Variants in PSMA1 observed in about 807,000 individuals in gnomAD.
PSMA1 encodes the protein proteasome 20S subunit alpha 1, also known as proteasome subunit alpha type-1.
A neutral mutation model predicts 38.4 loss-of-function variants in PSMA1; 3 were observed. That is an observed-to-expected ratio of 0.08 (90% CI 0.04 to 0.20). The LOEUF is 0.20. Among genes scored for constraint, PSMA1 ranks in the 10% least tolerant of loss-of-function variants. The pLI is 1.00. For missense variants in PSMA1, 227 were observed against 325.3 expected (o/e 0.70, Z 2.32); for synonymous variants, 101 against 107.1 (o/e 0.94, Z 0.35).
intron 2 of PSMA1, chr11:14,610,847 C>T: frequency 1.0e-6 from 1 of 994,452 alleles, no homozygotes; most frequent in Admixed American, 2.7e-5. Context: ...TTTTTGTTTT[C>T]TAGCCTAGAG....
chr11:14,540,374 G>A (rs1851760319), intron 2 of PSMA1, among the ~76,000 whole-genome samples: 1 of 152,298 alleles, frequency 6.6e-6, no homozygotes, highest in Non-Finnish European at 1.5e-5. Flanking sequence ...AACTAGACAG[G>A]CTTTTAGGAA....
chr11:14,523,781 C>A (rs1851556423), upstream of PSMA1, among the ~76,000 whole-genome samples: 1 of 151,406 alleles, frequency 6.6e-6, no homozygotes, highest in South Asian at 2.1e-4. Flanking sequence ...CAAGGTCTTA[C>A]TTTGTTGCCC....
At chr11:14,643,316 G>A (rs926278544) in intron 1 of PSMA1, 1 of 152,142 alleles carries the variant, frequency 6.6e-6, no homozygotes, top group African/African-American at 2.4e-5. Context: ...AAGGGACTAA[G>A]GTTAGAGACA....
chr11:14,605,178 A>C (rs918981235), intron 2 of PSMA1, among the ~76,000 whole-genome samples: 1 of 152,178 alleles, frequency 6.6e-6, no homozygotes, highest in Non-Finnish European at 1.5e-5. Flanking sequence ...ACAGTGTATA[A>C]GTGCTCCCTT....
At chr11:14,510,806 T>C (rs1851330068) in intron 8 of PSMA1, 66 bp downstream of exon 8, 3 of 1,135,038 alleles carry the variant, frequency 2.6e-6, no homozygotes, top group Non-Finnish European at 2.5e-6. Context: ...TATACTCCAT[T>C]ACATTTATGC....
At chr11:14,634,929 G>A (rs1753504273) in intron 1 of PSMA1, among the ~76,000 whole-genome samples, 1 of 152,186 alleles carries the variant, frequency 6.6e-6, no homozygotes, top group Admixed American at 6.5e-5. Context: ...TTGATTGTTA[G>A]AGAAACTTGG....
intron 2 of PSMA1, among the ~76,000 whole-genome samples, chr11:14,557,463 C>T (rs1170922104): frequency 2.6e-5 from 4 of 152,074 alleles, no homozygotes; most frequent in Admixed American, 6.5e-5. Context: ...AGGATGGTCT[C>T]GATCTCTTGA....
At chr11:14,628,986 T>C (rs1471152686) in intron 1 of PSMA1, among the ~76,000 whole-genome samples, 4 of 151,562 alleles carry the variant, frequency 2.6e-5, no homozygotes, top group South Asian at 2.1e-4. Context: ...TGTCTGTTCA[T>C]GTCCTTCGCC....
At chr11:14,626,919 C>G (rs1230279694) in intron 1 of PSMA1, among the ~76,000 whole-genome samples, 1 of 152,170 alleles carries the variant, frequency 6.6e-6, no homozygotes, top group East Asian at 1.9e-4. Context: ...AACAACAGAA[C>G]TTTATTTGAT....
At chr11:14,557,354 T>G (rs1231043885) in intron 2 of PSMA1, among the ~76,000 whole-genome samples, 1 of 151,952 alleles carries the variant, frequency 6.6e-6, no homozygotes, top group African/African-American at 2.4e-5. Flanking sequence ...TCTCCTGCCT[T>G]AGCCTCCAGA....
At chr11:14,577,404 A>G (rs1168483065) in intron 2 of PSMA1, among the ~76,000 whole-genome samples, 1 of 151,984 alleles carries the variant, frequency 6.6e-6, no homozygotes, top group East Asian at 1.9e-4. Context: ...TACTACTACT[A>G]ATTTTCTCCT....
At chr11:14,561,809 TTAAACTAAAC>T (rs71044010) in intron 2 of PSMA1, among the ~76,000 whole-genome samples, 56,437 of 147,748 alleles carry the variant, frequency 0.38, 12,093 homozygotes, top group Non-Finnish European at 0.47. Context: ...CTAAACTAAA[TTAAACTAAAC>T]TAAACTAAAC....
intron 6 of PSMA1, 36 bp from the exon 7 acceptor site, chr11:14,513,735 A>T: frequency 6.4e-7 from 1 of 1,552,496 alleles, no homozygotes; most frequent in Non-Finnish European, 8.7e-7. Context: ...ATAATTATTT[A>T]CTTTGGTTGA....
intron 9 of PSMA1, among the ~76,000 whole-genome samples, chr11:14,507,074 G>C (rs1851255673): frequency 6.6e-6 from 1 of 152,180 alleles, no homozygotes; most frequent in Non-Finnish European, 1.5e-5. Flanking sequence ...CCGCAAAATT[G>C]TGAGAAGTAG....
chr11:14,602,779 C>A (rs762827355), intron 2 of PSMA1, among the ~76,000 whole-genome samples: 1 of 152,114 alleles, frequency 6.6e-6, no homozygotes, highest in Non-Finnish European at 1.5e-5. Context: ...TGAATTTACA[C>A]TGAAAGCAGG....
In PSMA1 at chr11:14,600,721, G is replaced by T. The variant is rs546533964; in HGVS notation, c.21+10245C>A. Among the ~76,000 whole-genome samples the T allele has an allele frequency of 1.7e-4, 26 of 152,310 alleles. No homozygotes were observed. In the East Asian group the frequency reaches 4.8e-3, roughly 28 times the overall value. ...CCCAGGTGAGGTTATGCCCCACCCT[G>T]TTTCTGCTCGCCCTCTGTGGGCTGC... On this transcript the variant is annotated intron_variant, in intron 2 of 10. Coordinates refer to the PSMA1 transcript ENST00000418988.
chr11:14,592,605 T>G (rs1852437445), intron 2 of PSMA1, among the ~76,000 whole-genome samples: 1 of 152,158 alleles, frequency 6.6e-6, no homozygotes, highest in African/African-American at 2.4e-5. Flanking sequence ...CAGGATGGTC[T>G]CAACCTCCTG....
chr11:14,528,126 CTG>C (rs1851606671), intron 2 of PSMA1, among the ~76,000 whole-genome samples: 1 of 151,634 alleles, frequency 6.6e-6, no homozygotes, highest in Non-Finnish European at 1.5e-5. Flanking sequence ...GAGGGAAACT[CTG>C]TATATTTTTA....
rs555874805 is a variant in PSMA1 at position 14,542,937 on chromosome 11, C to A, written c.22-23896G>T. Among the ~76,000 whole-genome samples, 3 of 152,084 alleles carry A rather than the reference C, an allele frequency of 2.0e-5. No individual in the cohort carries two copies. In the South Asian group the frequency reaches 6.2e-4, roughly 32 times the overall value. On this transcript the variant is annotated intron_variant, in intron 2 of 10. Coordinates refer to the PSMA1 transcript ENST00000418988. Reference sequence around the variant, plus strand: ...GCGGCAAGATCTCGGCTCACTGTAACCTCCGCCTCCCAGGTTCGAGTGATT... The same window carrying A: ...GCGGCAAGATCTCGGCTCACTGTAAACTCCGCCTCCCAGGTTCGAGTGATT...
Sources: gnomAD v4.1 joint callset for allele counts (sites outside exome capture counted in the v4.1 genomes callset) on GRCh38, gnomAD v4.1.1 for gene constraint, MANE v1.5 for transcripts, NCBI Gene and HGNC (gene_info 2026-07-23, HGNC 2026-07-21) for gene names.